Variants in MEF2C observed in about 807,000 individuals in gnomAD.
MEF2C encodes the protein myocyte-specific enhancer factor 2C.
A neutral mutation model predicts 50.5 loss-of-function variants in MEF2C; 6 were observed. The ratio of observed to expected loss-of-function variants is 0.12; its 90% confidence interval spans 0.07 to 0.23. The LOEUF (loss-of-function observed/expected upper bound fraction) is 0.23. MEF2C is among the 10% of genes least tolerant of loss of function. The probability of loss-of-function intolerance (pLI) is 1.00; values close to 1 mark genes in which losing one functional copy is unlikely to be tolerated. For synonymous variants in MEF2C, 183 were observed against 228.0 expected (o/e 0.80, Z 1.78); for missense variants, 276 against 605.0 (o/e 0.46, Z 5.70).
chr5:88,819,401 T>C (rs1807172861), intron 2 of MEF2C: 1 of 984,906 alleles, frequency 1.0e-6, no homozygotes, highest in South Asian at 4.7e-5. Context: ...AGCTTTGCGA[T>C]ATCTGGGTCC....
Position 88,731,738 on chromosome 5 carries a change from C to T in MEF2C, c.801G>A (p.Met267Ile). 6.2e-7 allele frequency: 1 copy of T among 1,612,960 alleles called. No homozygotes were observed. ...TGTAGTTTTGTATTACCACTGATGGCATCGTATTCTTGCTGCCTGGTGGAA... is the reference window on the plus strand; with the variant it reads ...TGTAGTTTTGTATTACCACTGATGGTATCGTATTCTTGCTGCCTGGTGGAA... ...VLIPPGSKNTMPSVSEDVDLL... is the reference protein window; with the variant it reads ...VLIPPGSKNTIPSVSEDVDLL... The change falls in exon 7 of 11, where the codon ATG (methionine) becomes ATA (isoleucine). Residue 267 changes from methionine (M) to isoleucine (I), a missense_variant. Met to Ile is a conservative substitution (Grantham distance 10). Coordinates refer to ENST00000504921, the MANE Select transcript of MEF2C (RefSeq NM_002397.5).
At chr5:88,900,014 G>A (rs1423764111) in intron 1 of MEF2C, among the ~76,000 whole-genome samples, 3 of 151,816 alleles carry the variant, frequency 2.0e-5, no homozygotes, top group African/African-American at 7.3e-5. Flanking sequence ...TAATTTACAT[G>A]TCTGGGTTTT....
intron 6 of MEF2C, among the ~76,000 whole-genome samples, chr5:88,745,507 G>C (rs1768991668): frequency 6.6e-6 from 1 of 152,208 alleles, no homozygotes; most frequent in African/African-American, 2.4e-5. Context: ...GCACAGTGTA[G>C]CAATTAAGAG....
chr5:88,894,721 T>C (rs547801652), intron 1 of MEF2C, among the ~76,000 whole-genome samples: 1 of 152,236 alleles, frequency 6.6e-6, no homozygotes, highest in African/African-American at 2.4e-5. Context: ...ATTTTTGATA[T>C]GATTTTATAA....
At position 88,752,182 on chromosome 5, in the gene MEF2C, T is replaced by C. The variant is rs2247885; in HGVS notation, c.403-139A>G. The C allele has an allele frequency of 0.54, 339,221 of 632,774 alleles. 95,119 individuals carry two copies. The highest frequency in any genetic ancestry group is 0.58 in the Non-Finnish European group (228,144 of 394,580). The allele number at this position is 632,774 out of a possible 1,614,324, so 39.2% of individuals were successfully genotyped here. ...TGTCTAGAAGACCATTAAGAAGAGC[T>C]CTCAAGACGTTCAGATCATAAATTG... is the stretch of plus-strand genomic sequence containing the variant. On this transcript the variant is annotated intron_variant, in intron 4 of 10. Coordinates refer to ENST00000504921, the MANE Select transcript of MEF2C (RefSeq NM_002397.5).
chr5:88,869,362 C>T (rs1411140890), intron 1 of MEF2C, among the ~76,000 whole-genome samples: 2 of 137,442 alleles, frequency 1.5e-5, no homozygotes, highest in African/African-American at 5.3e-5. Flanking sequence ...AAAATATTTT[C>T]TTAATCTGCA....
intron 6 of MEF2C, among the ~76,000 whole-genome samples, chr5:88,744,931 GC>G (rs1768671807): frequency 1.3e-5 from 2 of 152,262 alleles, no homozygotes; most frequent in South Asian, 4.1e-4. Flanking sequence ...ATGAAACTTT[GC>G]TTTATTGGCC....
chr5:88,870,259 G>A (rs1479130791), intron 1 of MEF2C, among the ~76,000 whole-genome samples: 1 of 151,638 alleles, frequency 6.6e-6, no homozygotes, highest in East Asian at 1.9e-4. Context: ...GTAAATATTT[G>A]GTCAAAAATA....
intron 1 of MEF2C, among the ~76,000 whole-genome samples, chr5:88,836,211 T>C (rs1050383510): frequency 2.0e-5 from 3 of 152,168 alleles, no homozygotes; most frequent in African/African-American, 4.8e-5. Context: ...TTTTTAAAAA[T>C]AAAAACTATA....
intron 1 of MEF2C, among the ~76,000 whole-genome samples, chr5:88,855,015 T>C (rs1473830532): frequency 2.6e-5 from 4 of 152,136 alleles, no homozygotes; most frequent in Non-Finnish European, 5.9e-5. Flanking sequence ...CCCAAAGTGG[T>C]TCTATGCACA....
chr5:88,814,896 A>G (rs1179656263), intron 2 of MEF2C, among the ~76,000 whole-genome samples: 2 of 152,158 alleles, frequency 1.3e-5, no homozygotes, highest in South Asian at 4.1e-4. Flanking sequence ...TGATCAGGAT[A>G]TAAGAGATTT....
intron 3 of MEF2C, among the ~76,000 whole-genome samples, chr5:88,767,119 T>C (rs994234179): frequency 6.6e-6 from 1 of 152,238 alleles, no homozygotes; most frequent in Non-Finnish European, 1.5e-5. Context: ...GAGAGGTGCT[T>C]TGAGGACTGT....
intron 2 of MEF2C, among the ~76,000 whole-genome samples, chr5:88,821,461 C>T (rs138907731): frequency 9.2e-5 from 14 of 151,858 alleles, no homozygotes; most frequent in South Asian, 8.3e-4. Flanking sequence ...GATTGCATCT[C>T]CTTATGTTGC....
intron 5 of MEF2C, chr5:88,751,531 T>C (rs1772739564): frequency 1.0e-6 from 1 of 985,282 alleles, no homozygotes; most frequent in Non-Finnish European, 1.2e-6. Context: ...GAAAATGGCA[T>C]TTTAGGCAGG....
At chr5:88,859,796 T>C (rs1824863879) in intron 1 of MEF2C, among the ~76,000 whole-genome samples, 1 of 152,150 alleles carries the variant, frequency 6.6e-6, no homozygotes, top group African/African-American at 2.4e-5. Flanking sequence ...GTCAACAAAT[T>C]TGAGGTTTTA....
At chr5:88,807,285 A>G (rs865948560) in intron 2 of MEF2C, among the ~76,000 whole-genome samples, 19 of 152,122 alleles carry the variant, frequency 1.2e-4, no homozygotes, top group African/African-American at 4.3e-4. Context: ...GTGTAGCGGT[A>G]CTAGAATAGC....
chr5:88,781,631 G>A (rs10942537), intron 3 of MEF2C, among the ~76,000 whole-genome samples: 88,372 of 151,930 alleles, frequency 0.58, 27,490 homozygotes, highest in Non-Finnish European at 0.71. Flanking sequence ...TTCATATTTG[G>A]CAGTATTGTA....
chr5:88,836,747 C>A (rs1815246015), intron 1 of MEF2C, among the ~76,000 whole-genome samples: 2 of 152,084 alleles, frequency 1.3e-5, no homozygotes, highest in African/African-American at 2.4e-5. Context: ...AAGTCATCCT[C>A]GGCAGATAAC....
intron 5 of MEF2C, chr5:88,750,118 C>T: frequency 1.2e-6 from 1 of 857,330 alleles, no homozygotes; most frequent in Non-Finnish European, 1.4e-6. Context: ...TTTCTAATTG[C>T]CTCTAAGTGA....
Sources: allele counts gnomAD v4.1 joint callset (sites outside exome capture counted in the v4.1 genomes callset), GRCh38; gene constraint gnomAD v4.1.1; transcripts MANE v1.5; gene names NCBI Gene and HGNC (gene_info 2026-07-23, HGNC 2026-07-21).